The following MACROD2 variants were observed in gnomAD, a reference collection of about 807,000 sequenced individuals.
MACROD2 encodes mono-ADP ribosylhydrolase 2.
A neutral mutation model predicts 70.4 loss-of-function variants in MACROD2; 36 were observed. The observed-to-expected ratio is 0.51, with a 90% CI of 0.39 to 0.68. MACROD2 has a LOEUF of 0.68. Ranked by LOEUF, MACROD2 falls within the 30% of genes least tolerant of loss-of-function variation. The probability of loss-of-function intolerance (pLI) is 0.00; values close to 1 mark genes in which losing one functional copy is unlikely to be tolerated. For synonymous variants in MACROD2, 172 were observed against 178.8 expected, an observed-to-expected ratio of 0.96 and a Z score of 0.30; for missense variants, 496 against 538.4, an observed-to-expected ratio of 0.92 and a Z score of 0.78.
At chr20:14,577,097 T>A (rs1039957815) in intron 4 of MACROD2, among the ~76,000 whole-genome samples, 1 of 152,194 alleles carries the variant, frequency 6.6e-6, no homozygotes, top group Non-Finnish European at 1.5e-5. Context: ...TTCTGCTTCA[T>A]CTTAAAGGAG....
At chr20:15,866,085 A>G (rs930153140) in intron 9 of MACROD2, among the ~76,000 whole-genome samples, 1 of 152,186 alleles carries the variant, frequency 6.6e-6, no homozygotes, top group African/African-American at 2.4e-5. Context: ...ACAGGATACA[A>G]CTGGGTTTCA....
In MACROD2 at chr20:15,052,491, T is replaced by C. The variant is rs144545617; in HGVS notation, c.419-177449T>C. Among the ~76,000 whole-genome samples, 60 of 152,358 alleles carry C rather than the reference T, an allele frequency of 3.9e-4. 1 individual carries two copies. The East Asian group carries it at 9.4e-3, about 24-fold the overall frequency. On this transcript the variant is annotated intron_variant, in intron 5 of 17. Transcript: ENST00000684519. ...CAAACTTTTTTGTTATTCTTATCTA[T>C]TTTATAGTGATCCGTAGTCAGTGAT...
chr20:15,116,450 C>A (rs6034107), intron 5 of MACROD2, among the ~76,000 whole-genome samples: 6 of 152,122 alleles, frequency 3.9e-5, no homozygotes, highest in African/African-American at 1.2e-4. Context: ...CGACACCAGC[C>A]TGATCAACAT....
intron 2 of MACROD2, among the ~76,000 whole-genome samples, chr20:14,064,761 G>C (rs1179581065): frequency 6.6e-6 from 1 of 152,146 alleles, no homozygotes; most frequent in Non-Finnish European, 1.5e-5. Flanking sequence ...TTGGTGGGCA[G>C]CAGCTGTAGT....
intron 8 of MACROD2, among the ~76,000 whole-genome samples, chr20:15,776,366 A>AGAGTGATGGACTGT (rs1555778189): frequency 6.6e-6 from 1 of 152,084 alleles, no homozygotes. Context: ...AATATTCTCC[A>AGAGTGATGGACTGT]GAGTGATGGA....
At chr20:15,552,528 T>G (rs1440517256) in intron 8 of MACROD2, 1 of 152,262 alleles carries the variant, frequency 6.6e-6, no homozygotes, top group African/African-American at 2.4e-5. Flanking sequence ...GGATGCCTAC[T>G]CTGTTTCCCT....
At chr20:14,318,445 A>G (rs559631536) in intron 3 of MACROD2, among the ~76,000 whole-genome samples, 1 of 152,306 alleles carries the variant, frequency 6.6e-6, no homozygotes, top group South Asian at 2.1e-4. Flanking sequence ...AGATAGGGGT[A>G]GGGAGTGGGA....
At chr20:15,351,196 C>A (rs1387979972) in intron 6 of MACROD2, among the ~76,000 whole-genome samples, 1 of 152,088 alleles carries the variant, frequency 6.6e-6, no homozygotes, top group African/African-American at 2.4e-5. Flanking sequence ...CACTATGACA[C>A]AAGAGGGCAC....
chr20:15,542,668 C>T (rs1208756132), intron 8 of MACROD2, among the ~76,000 whole-genome samples: 3 of 152,150 alleles, frequency 2.0e-5, no homozygotes. Flanking sequence ...TCTCTGAAAC[C>T]TGTTCCTTAA....
chr20:14,113,130 A>C (rs879455738), intron 3 of MACROD2, among the ~76,000 whole-genome samples: 2 of 152,014 alleles, frequency 1.3e-5, no homozygotes, highest in Non-Finnish European at 2.9e-5. Flanking sequence ...ATTCTTCTCT[A>C]GTTTACCTTT....
chr20:15,012,558 AC>A (rs1270436168), intron 5 of MACROD2, among the ~76,000 whole-genome samples: 1 of 152,154 alleles, frequency 6.6e-6, no homozygotes, highest in African/African-American at 2.4e-5. Flanking sequence ...GAAGGAGTAC[AC>A]TTTTAAAATG....
At chr20:14,894,139 CTTTG>C (rs1424147086) in intron 5 of MACROD2, 2 of 152,086 alleles carry the variant, frequency 1.3e-5, no homozygotes, top group Non-Finnish European at 2.9e-5. Context: ...TACATTTCAA[CTTTG>C]TTTATTGCAA....
At position 15,461,006 on chromosome 20, in the gene MACROD2, A is replaced by ATATATATATTTTTTTTT; in HGVS notation, c.571+29572_571+29573insATATATATTTTTTTTTT. 8.5e-4 allele frequency among the ~76,000 whole-genome samples: 57 copies of ATATATATATTTTTTTTT among 67,004 alleles called. 1 individual carries two copies. The highest frequency in any genetic ancestry group is 1.5e-3 in the Non-Finnish European group (46 of 30,450). The allele number at this position is 67,004 out of a possible 152,430, so 44.0% of individuals were successfully genotyped here. A position where few individuals can be genotyped will look rare whatever the true frequency, so the allele number is the denominator to read the frequency against. ...TATATATATATATATATATATATAT[A>ATATATATATTTTTTTTT]TTTTTTTTTAATAGATGGGGTCTTG... is the stretch of plus-strand genomic sequence containing the variant. On this transcript the variant is annotated intron_variant, in intron 7 of 17. Coordinates refer to ENST00000684519, the MANE Select transcript of MACROD2 (RefSeq NM_001351661.2).
At chr20:15,193,240 A>G (rs2076583548) in intron 5 of MACROD2, among the ~76,000 whole-genome samples, 2 of 152,204 alleles carry the variant, frequency 1.3e-5, no homozygotes, top group Non-Finnish European at 2.9e-5. Context: ...TTACTTTAAA[A>G]GAAGTTCTTC....
intron 12 of MACROD2, among the ~76,000 whole-genome samples, chr20:15,951,754 C>T (rs1374128198): frequency 6.6e-6 from 1 of 152,146 alleles, no homozygotes; most frequent in Admixed American, 6.5e-5. Context: ...ATAAAGGTCT[C>T]ATAAAGATCT....
chr20:15,743,856 G>T (rs2051140601), intron 8 of MACROD2, among the ~76,000 whole-genome samples: 3 of 151,930 alleles, frequency 2.0e-5, no homozygotes, highest in Non-Finnish European at 4.4e-5. Flanking sequence ...TAATTCTTTT[G>T]ATTATAGAAT....
intron 5 of MACROD2, among the ~76,000 whole-genome samples, chr20:15,060,651 C>T (rs1252065748): frequency 1.3e-5 from 2 of 152,206 alleles, no homozygotes; most frequent in African/African-American, 2.4e-5. Flanking sequence ...AATCCCTTCT[C>T]CCATGGCTTC....
chr20:15,232,697 T>C (rs953164888), intron 6 of MACROD2, among the ~76,000 whole-genome samples: 8 of 152,068 alleles, frequency 5.3e-5, no homozygotes, highest in African/African-American at 1.9e-4. Flanking sequence ...ATATCTATTC[T>C]GAACACCAGA....
At chr20:15,479,265 C>CTTTTTTTT (rs767435610) in intron 7 of MACROD2, among the ~76,000 whole-genome samples, 8 of 87,772 alleles carry the variant, frequency 9.1e-5, no homozygotes, top group African/African-American at 1.6e-4. Context: ...TTCTCGCTCT[C>CTTTTTTTT]TTTTTTTTTT....
Sources: gnomAD v4.1 joint callset for allele counts (sites outside exome capture counted in the v4.1 genomes callset) on GRCh38, gnomAD v4.1.1 for gene constraint, MANE v1.5 for transcripts, NCBI Gene and HGNC (gene_info 2026-07-23, HGNC 2026-07-21) for gene names.